The following SAMD12 variants were observed in gnomAD, a reference collection of about 807,000 sequenced individuals.
SAMD12 encodes the protein sterile alpha motif domain containing 12, also known as sterile alpha motif domain-containing protein 12.
Under a neutral mutation model 15.0 loss-of-function variants are expected in SAMD12, and 9 were observed. The observed-to-expected ratio is 0.60, with a 90% CI of 0.36 to 1.05. SAMD12 has a LOEUF of 1.05. Ranked by LOEUF, SAMD12 falls within the 50% of genes least tolerant of loss-of-function variation. SAMD12 has a pLI of 0.01. For synonymous variants in SAMD12, 86 were observed against 90.1 expected (o/e 0.96, Z 0.25); for missense variants, 230 against 234.2 (o/e 0.98, Z 0.12).
exon 5 of SAMD12, chr8:118,197,559 T>C: frequency 1.3e-6 from 1 of 770,086 alleles, no homozygotes; most frequent in Non-Finnish European, 2.3e-6. Context: ...ACCCATAATA[T>C]TGACTGAATG....
intron 4 of SAMD12, among the ~76,000 whole-genome samples, chr8:118,316,262 C>A (rs1034066103): frequency 1.3e-5 from 2 of 150,942 alleles, no homozygotes; most frequent in African/African-American, 4.9e-5. Flanking sequence ...TGGCCAGGTG[C>A]GGTGGCTCAT....
intron 4 of SAMD12, among the ~76,000 whole-genome samples, chr8:118,278,506 C>A (rs1813525361): frequency 6.6e-6 from 1 of 152,194 alleles, no homozygotes; most frequent in Admixed American, 6.5e-5. Context: ...AGAGAACAAA[C>A]CATAACCATG....
chr8:118,276,082 T>C (rs775580973), intron 4 of SAMD12, among the ~76,000 whole-genome samples: 13 of 152,278 alleles, frequency 8.5e-5, no homozygotes, highest in African/African-American at 3.1e-4. Flanking sequence ...CTCCAGAACA[T>C]GATTAATTTT....
At chr8:118,488,742 T>C (rs1824356316) in intron 2 of SAMD12, among the ~76,000 whole-genome samples, 1 of 152,248 alleles carries the variant, frequency 6.6e-6, no homozygotes, top group African/African-American at 2.4e-5. Context: ...TTTTAGTTTT[T>C]TCCTCCCTTC....
intron 4 of SAMD12, among the ~76,000 whole-genome samples, chr8:118,281,289 C>A (rs900308464): frequency 6.6e-6 from 1 of 152,078 alleles, no homozygotes; most frequent in Non-Finnish European, 1.5e-5. Context: ...AGTCCAGAAC[C>A]CAGCGCTCTT....
intron 2 of SAMD12, among the ~76,000 whole-genome samples, chr8:118,549,002 C>A (rs913933635): frequency 3.3e-5 from 5 of 152,240 alleles, no homozygotes; most frequent in Admixed American, 3.3e-4. Flanking sequence ...CGCAGGCTTG[C>A]TTAGGTAAAC....
At chr8:118,261,124 A>G (rs1813066188) in intron 4 of SAMD12, among the ~76,000 whole-genome samples, 1 of 152,114 alleles carries the variant, frequency 6.6e-6, no homozygotes, top group Non-Finnish European at 1.5e-5. Context: ...TCATTTGTCA[A>G]AAAGCTGTTT....
At chr8:118,203,827 C>A (rs187940049) in intron 4 of SAMD12, among the ~76,000 whole-genome samples, 1 of 149,580 alleles carries the variant, frequency 6.7e-6, no homozygotes, top group East Asian at 2.0e-4. Context: ...TGAGAACATG[C>A]GGTGTTTGGT....
intron 1 of SAMD12, among the ~76,000 whole-genome samples, chr8:118,586,296 C>A (rs1328487183): frequency 6.6e-6 from 1 of 151,998 alleles, no homozygotes; most frequent in Non-Finnish European, 1.5e-5. Flanking sequence ...TAGTCTTGCA[C>A]CCAGTATATC....
At chr8:118,493,001 T>A (rs1194623078) in intron 2 of SAMD12, among the ~76,000 whole-genome samples, 2 of 152,114 alleles carry the variant, frequency 1.3e-5, no homozygotes, top group African/African-American at 4.8e-5. Context: ...TATCAAGTAT[T>A]AGCCTACAAC....
At chr8:118,453,430 C>A (rs1208987806) in intron 2 of SAMD12, among the ~76,000 whole-genome samples, 1 of 152,106 alleles carries the variant, frequency 6.6e-6, no homozygotes, top group Non-Finnish European at 1.5e-5. Context: ...AATAGACTTT[C>A]TTTTTTCATA....
intron 2 of SAMD12, among the ~76,000 whole-genome samples, chr8:118,578,150 G>A (rs576985094): frequency 3.3e-5 from 5 of 151,982 alleles, no homozygotes; most frequent in Admixed American, 2.0e-4. Flanking sequence ...TGCCCTTCTC[G>A]TTCCCTTTCT....
intron 1 of SAMD12, among the ~76,000 whole-genome samples, chr8:118,595,295 C>T (rs1457117766): frequency 6.6e-6 from 1 of 152,142 alleles, no homozygotes; most frequent in Non-Finnish European, 1.5e-5. Context: ...TCAGACAATG[C>T]TTCTAAAATA....
At chr8:118,595,236 G>C (rs1375653882) in intron 1 of SAMD12, among the ~76,000 whole-genome samples, 1 of 152,136 alleles carries the variant, frequency 6.6e-6, no homozygotes, top group Non-Finnish European at 1.5e-5. Flanking sequence ...GGCAGACAGT[G>C]TGACTGCATA....
chr8:118,354,583 G>T (rs764515661), intron 4 of SAMD12, among the ~76,000 whole-genome samples: 2 of 152,094 alleles, frequency 1.3e-5, no homozygotes, highest in Non-Finnish European at 2.9e-5. Context: ...GCCACCTCTG[G>T]TTATTCACAT....
In SAMD12 at chr8:118,594,544, G is replaced by A. The variant is rs552292627; in HGVS notation, c.14-13651C>T. ...CGTTGTAGATGATATAGTGGTAAGG[G>A]GAGGTGGAAATAAAAGCTGTGGAGA... On this transcript the variant is annotated intron_variant, in intron 1 of 3. Coordinates refer to ENST00000314727, the MANE Select transcript of SAMD12 (RefSeq NM_207506.3). Among the ~76,000 whole-genome samples the A allele has an allele frequency of 2.0e-5, 3 of 152,236 alleles. No individual in the cohort carries two copies. The South Asian group carries it at 6.2e-4, about 32-fold the overall frequency.
intron 4 of SAMD12, among the ~76,000 whole-genome samples, chr8:118,236,791 T>C (rs1333432660): frequency 6.6e-6 from 1 of 152,204 alleles, no homozygotes; most frequent in Non-Finnish European, 1.5e-5. Flanking sequence ...GAACTTCTCT[T>C]ATGCTTTATT....
At chr8:118,425,795 G>C (rs1822213640) in intron 3 of SAMD12, among the ~76,000 whole-genome samples, 1 of 152,180 alleles carries the variant, frequency 6.6e-6, no homozygotes, top group African/African-American at 2.4e-5. Flanking sequence ...GCTTCATTCT[G>C]CTCCTCGAAT....
intron 4 of SAMD12, among the ~76,000 whole-genome samples, chr8:118,246,832 T>A (rs1812708423): frequency 6.6e-6 from 1 of 152,068 alleles, no homozygotes; most frequent in African/African-American, 2.4e-5. Flanking sequence ...GATTTCCAGG[T>A]AGAGGGAACA....
Sources: allele counts gnomAD v4.1 joint callset (sites outside exome capture counted in the v4.1 genomes callset), GRCh38; gene constraint gnomAD v4.1.1; transcripts MANE v1.5; gene names NCBI Gene and HGNC (gene_info 2026-07-23, HGNC 2026-07-21).